The following SLC23A2 variants were observed in gnomAD, a reference collection of about 807,000 sequenced individuals.
SLC23A2 encodes the protein solute carrier family 23 member 2, also known as Na(+)/L-ascorbic acid transporter 2.
A neutral mutation model predicts 73.3 loss-of-function variants in SLC23A2; 36 were observed. The ratio of observed to expected loss-of-function variants is 0.49; its 90% CI spans 0.38 to 0.65. The LOEUF is 0.65. Among genes scored for constraint, SLC23A2 ranks in the 30% least tolerant of loss-of-function variants. The pLI is 0.00. For missense variants in SLC23A2, 507 were observed against 841.6 expected (o/e 0.60, Z 4.92); for synonymous variants, 343 against 327.3 (o/e 1.05, Z -0.52).
intron 2 of SLC23A2, among the ~76,000 whole-genome samples, chr20:4,961,510 T>G (rs933739424): frequency 2.0e-5 from 3 of 152,156 alleles, no homozygotes; most frequent in Admixed American, 6.5e-5. Flanking sequence ...CCAACACAAA[T>G]TCGTAACTTT....
At chr20:4,903,143 A>T (rs1036078805) in intron 4 of SLC23A2, among the ~76,000 whole-genome samples, 4 of 152,220 alleles carry the variant, frequency 2.6e-5, no homozygotes, top group Admixed American at 6.5e-5. Flanking sequence ...AAAACAAAAC[A>T]TTAAAAATGT....
At chr20:4,989,392 T>C (rs2087888132) in intron 1 of SLC23A2, among the ~76,000 whole-genome samples, 1 of 152,152 alleles carries the variant, frequency 6.6e-6, no homozygotes, top group African/African-American at 2.4e-5. Flanking sequence ...TTTGGAATAT[T>C]TGCATATATA....
rs776071577 is a variant in SLC23A2 at position 4,874,606 on chromosome 20, C to T, written c.915G>A (p.Ala305=). Reference sequence around the variant, plus strand: ...ACATTTTGAACAGCTGTAACTTGTACGCAGTCCATCCTTTCTTGGATTTAT... The same window carrying T: ...ACATTTTGAACAGCTGTAACTTGTATGCAGTCCATCCTTTCTTGGATTTAT... The part of the protein sequence containing the change: ...PIYKSKKGWT[A]YKLQLFKMFP... Residue 305 remains alanine, a synonymous_variant, in exon 10 of 17, where the codon GCG becomes GCA. Transcript: ENST00000338244. The T allele has an allele frequency of 1.6e-5, 26 of 1,611,546 alleles. No individual in the cohort carries two copies. The highest frequency in any genetic ancestry group is 2.2e-5 in the East Asian group (1 of 44,872).
Position 4,902,423 on chromosome 20 carries a change from C to T in SLC23A2, c.324+19G>A, listed in dbSNP as rs775898820. The T allele has an allele frequency of 5.3e-6, 7 of 1,322,312 alleles. No individual in the cohort carries two copies. In the South Asian group the frequency reaches 7.4e-5, roughly 14 times the overall value. 81.9% of individuals were successfully genotyped at this position (1,322,312 alleles called of 1,614,324 possible). A position where few individuals can be genotyped will look rare whatever the true frequency, so the allele number is the denominator to read the frequency against. ...CAAACACCTGCTGGTAGTTACACAT[C>T]CTACAGGAACCATCTTACCTGTAGC... On this transcript the variant is annotated intron_variant, in intron 5 of 16. Transcript: ENST00000338244. This position sits in a 1 kb window ranked among gnomAD's most constrained non-coding sequence, Gnocchi z 4.0.
intron 11 of SLC23A2, among the ~76,000 whole-genome samples, chr20:4,873,517 T>C (rs1568604840): frequency 6.6e-6 from 1 of 152,186 alleles, no homozygotes; most frequent in African/African-American, 2.4e-5. Flanking sequence ...AGAGATTATA[T>C]AAATTCCATC....
chr20:4,916,035 C>T (rs920563987), intron 3 of SLC23A2, among the ~76,000 whole-genome samples: 1 of 152,202 alleles, frequency 6.6e-6, no homozygotes, highest in Admixed American at 6.5e-5. Context: ...GCAGAATTCT[C>T]TTACATTACT....
chr20:4,934,962 C>A (rs1403000701), intron 2 of SLC23A2, among the ~76,000 whole-genome samples: 1 of 151,568 alleles, frequency 6.6e-6, no homozygotes, highest in African/African-American at 2.4e-5. Flanking sequence ...TGGAGGTGGG[C>A]AGATCACAAG....
At chr20:4,882,225 A>G (rs1323760035) in intron 9 of SLC23A2, among the ~76,000 whole-genome samples, 2 of 151,984 alleles carry the variant, frequency 1.3e-5, no homozygotes, top group African/African-American at 2.4e-5. Context: ...AAATACAAAA[A>G]CTAGCCGGGT....
At chr20:4,958,008 T>C (rs748083655) in intron 2 of SLC23A2, among the ~76,000 whole-genome samples, 47 of 152,088 alleles carry the variant, frequency 3.1e-4, no homozygotes, top group Admixed American at 1.1e-3. Flanking sequence ...TGATTCAGAA[T>C]GTGTGCTGAC....
intron 10 of SLC23A2, 109 bp from the exon 11 acceptor site, chr20:4,874,201 A>G: frequency 1.0e-6 from 1 of 970,372 alleles, no homozygotes; most frequent in Non-Finnish European, 1.5e-6. Flanking sequence ...CACCACAGTC[A>G]GTACTTTGCA....
chr20:4,945,886 T>C (rs1715393), intron 2 of SLC23A2, among the ~76,000 whole-genome samples: 150,887 of 152,312 alleles, frequency 0.99, 74,742 homozygotes, highest in East Asian at 1. Flanking sequence ...CATAGAAATA[T>C]TGTGCCAAAG....
intron 2 of SLC23A2, among the ~76,000 whole-genome samples, chr20:4,934,955 A>T (rs1169452326): frequency 6.6e-6 from 1 of 151,882 alleles, no homozygotes; most frequent in Non-Finnish European, 1.5e-5. Context: ...TGGGAGGTGG[A>T]GGTGGGCAGA....
intron 3 of SLC23A2, among the ~76,000 whole-genome samples, chr20:4,926,339 T>C (rs916920357): frequency 3.3e-5 from 5 of 152,170 alleles, no homozygotes; most frequent in African/African-American, 1.2e-4. Flanking sequence ...AGGCTGTGTG[T>C]GTCACAGCCG....
chr20:4,902,106 C>T lies in SLC23A2; in HGVS notation c.324+336G>A, dbSNP rs1014811812. Among the ~76,000 whole-genome samples, 3 of 152,170 alleles carry T rather than the reference C, an allele frequency of 2.0e-5. No individual in the cohort carries two copies. The highest frequency in any genetic ancestry group is 7.2e-5 in the African/African-American group (3 of 41,434). On this transcript the variant is annotated intron_variant, in intron 5 of 16. Coordinates refer to ENST00000338244, the MANE Select transcript of SLC23A2 (RefSeq NM_005116.6). The surrounding 1 kb of genome is among the most constrained non-coding windows in gnomAD (Gnocchi z 4.0). ...AGCTCACTGCAACCTCAACCTCAAG[C>T]GATCCTCCTGCCTCAGCCTCTTGAG...
chr20:4,890,315 C>G (rs1337846191), intron 6 of SLC23A2, among the ~76,000 whole-genome samples: 1 of 152,104 alleles, frequency 6.6e-6, no homozygotes, highest in Non-Finnish European at 1.5e-5. Context: ...GCCATAGGTT[C>G]TTTATTGAAT....
chr20:4,998,225 A>G lies in SLC23A2; in HGVS notation c.-282+3181T>C, dbSNP rs956145721. ...TTGTCAGATTCCTCTTCACAGAACCAGATCTCATTGTCCACATCCCTACAG... is the reference window on the plus strand; with the variant it reads ...TTGTCAGATTCCTCTTCACAGAACCGGATCTCATTGTCCACATCCCTACAG... On this transcript the variant is annotated intron_variant, in intron 1 of 16. Coordinates refer to ENST00000338244, the MANE Select transcript of SLC23A2 (RefSeq NM_005116.6). The surrounding 1 kb of genome is among the most constrained non-coding windows in gnomAD (Gnocchi z 4.1). Among the ~76,000 whole-genome samples the G allele has an allele frequency of 6.6e-6, 1 of 152,188 alleles. No homozygotes were observed. Among genetic ancestry groups the G allele is most frequent in the Non-Finnish European group, 1.5e-5 (1 of 68,036 alleles).
intron 1 of SLC23A2, among the ~76,000 whole-genome samples, chr20:4,991,383 T>TACA (rs2087920298): frequency 6.6e-6 from 1 of 152,136 alleles, no homozygotes; most frequent in South Asian, 2.1e-4. Context: ...GTACTGGGAT[T>TACA]ACAGGCATAA....
At chr20:4,919,495 GC>G (rs1932434168) in intron 3 of SLC23A2, among the ~76,000 whole-genome samples, 1 of 152,172 alleles carries the variant, frequency 6.6e-6, no homozygotes, top group South Asian at 2.1e-4. Context: ...CCCCATGCCG[GC>G]CCACAGCAGA....
At chr20:4,974,753 AT>A (rs1190896662) in intron 1 of SLC23A2, among the ~76,000 whole-genome samples, 2 of 152,094 alleles carry the variant, frequency 1.3e-5, no homozygotes, top group Non-Finnish European at 2.9e-5. Flanking sequence ...TCTTGATGAA[AT>A]GGGCAATTTT....
Sources: allele counts gnomAD v4.1 joint callset (sites outside exome capture counted in the v4.1 genomes callset), GRCh38; gene constraint gnomAD v4.1.1; non-coding constraint Gnocchi (gnomAD v3.1); transcripts MANE v1.5; gene names NCBI Gene and HGNC (gene_info 2026-07-23, HGNC 2026-07-21).